SYNE1: variants seen among roughly 807,000 people sequenced by gnomAD.
The protein encoded by SYNE1 is spectrin repeat containing nuclear envelope protein 1.
SYNE1 carries 616 observed loss-of-function variants against 1,111.0 expected under a neutral mutation model. The observed-to-expected ratio is 0.55, with a 90% CI of 0.52 to 0.59. The LOEUF is 0.59. SYNE1 is among the 20% of genes least tolerant of loss of function. SYNE1 has a pLI of 0.00. For missense variants in SYNE1, 10,006 were observed against 10,417.0 expected (o/e 0.96, Z 1.72); for synonymous variants, 3,855 against 3,825.8 (o/e 1.01, Z -0.28).
rs2080181883 is a variant in SYNE1 at position 152,221,542 on chromosome 6, C to T, written c.21540G>A (p.Leu7180=). ...TCTGTAAGCTCCTTTCCTGTTTTTCCAGATCATCTTGGAGATTCTGCCCCA... is the reference window on the plus strand; with the variant it reads ...TCTGTAAGCTCCTTTCCTGTTTTTCTAGATCATCTTGGAGATTCTGCCCCA... ...VDNLQNLQDD[L]EKQERSLQKF... Residue 7180 remains leucine, a synonymous_variant, in exon 118 of 146, where the codon CTG becomes CTA. Transcript: ENST00000367255. The T allele has an allele frequency of 6.2e-7, 1 of 1,613,542 alleles. No individual in the cohort carries two copies. The highest frequency in any genetic ancestry group is 1.7e-5 in the Admixed American group (1 of 59,968).
intron 138 of SYNE1, among the ~76,000 whole-genome samples, chr6:152,142,956 CT>C (rs1257454091): frequency 1.3e-5 from 2 of 152,192 alleles, no homozygotes; most frequent in African/African-American, 2.4e-5. Context: ...AAGAGACTGG[CT>C]TTAAAATTCT....
chr6:152,122,103 T>TCATTAAAAAA lies in SYNE1; in HGVS notation c.*332_*333insTTTTTTAATG. ...TGGGAAAGCTGCCCAGATGGTCTAC[T>TCATTAAAAAA]GAAGTCCTTGGCTGTGCACAGAATG... On this transcript the variant is annotated 3_prime_UTR_variant, in exon 146 of 146. Coordinates refer to ENST00000367255, the MANE Select transcript of SYNE1 (RefSeq NM_182961.4). 2 of 382,976 alleles carry TCATTAAAAAA rather than the reference T, an allele frequency of 5.2e-6. No homozygotes were observed. Among genetic ancestry groups the TCATTAAAAAA allele is most frequent in the Admixed American group, 3.8e-5 (1 of 26,392 alleles). 23.7% of individuals were successfully genotyped at this position (382,976 alleles called of 1,614,324 possible).
intron 119 of SYNE1, among the ~76,000 whole-genome samples, chr6:152,219,991 T>A (rs1194319451): frequency 6.6e-6 from 1 of 152,216 alleles, no homozygotes; most frequent in African/African-American, 2.4e-5. Flanking sequence ...TCTTTACGCT[T>A]GACACAGATA....
chr6:152,286,597 G>A (rs1436801383), intron 95 of SYNE1, among the ~76,000 whole-genome samples: 1 of 152,184 alleles, frequency 6.6e-6, no homozygotes, highest in African/African-American at 2.4e-5. Context: ...ATGAGATTGA[G>A]TGTCTTTTGT....
At chr6:152,587,353 T>A (rs921082528) in intron 3 of SYNE1, among the ~76,000 whole-genome samples, 1 of 152,220 alleles carries the variant, frequency 6.6e-6, no homozygotes, top group Non-Finnish European at 1.5e-5. Flanking sequence ...TAGCTGCTGC[T>A]CCTTTGAATG....
intron 33 of SYNE1, chr6:152,435,101 T>A (rs2098461314): frequency 6.6e-6 from 1 of 152,156 alleles, no homozygotes; most frequent in Non-Finnish European, 1.5e-5. Context: ...AAAATATGTA[T>A]CAAATTTTAA....
chr6:152,469,825 T>G (rs952792559), intron 16 of SYNE1, among the ~76,000 whole-genome samples: 4 of 152,206 alleles, frequency 2.6e-5, no homozygotes, highest in African/African-American at 7.2e-5. Flanking sequence ...GGAACCTCAG[T>G]GCTCCTGCAC....
At chr6:152,624,764 G>A (rs1277096920) in intron 3 of SYNE1, among the ~76,000 whole-genome samples, 1 of 152,122 alleles carries the variant, frequency 6.6e-6, no homozygotes, top group East Asian at 1.9e-4. Context: ...CACAAATATT[G>A]GCAAAGGTGA....
chr6:152,266,894 C>CA (rs1305469250), intron 100 of SYNE1, among the ~76,000 whole-genome samples: 2 of 150,396 alleles, frequency 1.3e-5, no homozygotes, highest in Non-Finnish European at 1.5e-5. Flanking sequence ...GATTAAACTG[C>CA]AAAAAAAAAG....
At position 152,149,479 on chromosome 6, in the gene SYNE1, G is replaced by C. The variant is rs767648643; in HGVS notation, c.24640C>G (p.Pro8214Ala). ...CTAAGAAAATCAATGTTACATACAG[G>C]CAGGCGGATCAGTTTCTTATGGTAT... The part of the protein sequence containing the change: ...ERYHKKLIRL[P>A]LPDDEHDLSD... The change falls in exon 136 of 146, where the codon CCT (proline) becomes GCT (alanine). Residue 8214 changes from proline to alanine, a missense_variant and splice_region_variant. Physicochemically the swap from Pro to Ala is conservative, Grantham distance 27. Coordinates refer to ENST00000367255, the MANE Select transcript of SYNE1 (RefSeq NM_182961.4). 1 of 1,614,004 alleles carries C rather than the reference G, an allele frequency of 6.2e-7. No homozygotes were observed. The highest frequency in any genetic ancestry group is 1.3e-5 in the African/African-American group (1 of 74,904).
At chr6:152,312,926 T>C (rs1340732032) in intron 87 of SYNE1, among the ~76,000 whole-genome samples, 6 of 152,072 alleles carry the variant, frequency 3.9e-5, no homozygotes, top group Non-Finnish European at 5.9e-5. Context: ...CAAGAAATAA[T>C]GTGGGGCAAA....
At chr6:152,557,264 T>C (rs553447478) in intron 3 of SYNE1, among the ~76,000 whole-genome samples, 1 of 151,342 alleles carries the variant, frequency 6.6e-6, no homozygotes, top group South Asian at 2.1e-4. Flanking sequence ...AGTCAGAGGA[T>C]CAAGAATGGA....
intron 137 of SYNE1, chr6:152,145,840 C>T: frequency 5.2e-6 from 2 of 382,202 alleles, no homozygotes; most frequent in Non-Finnish European, 1.0e-5. Context: ...GCCTGGCCGA[C>T]ATGGTGGAAC....
chr6:152,418,977 C>A (rs1249404211), intron 40 of SYNE1, among the ~76,000 whole-genome samples: 2 of 152,134 alleles, frequency 1.3e-5, no homozygotes, highest in African/African-American at 4.8e-5. Flanking sequence ...AAACTTTAGT[C>A]ATCTGGTTAT....
At position 152,337,012 on chromosome 6, in the gene SYNE1, T is replaced by C. The variant is rs762228050; in HGVS notation, c.12357A>G (p.Glu4119=). ...AGTTCTGGGCCTGGACAAGCTTTTG[T>C]TCAATCTTGAGAAAACACAGAGATA... ...KDIQQTEQTI[E]QKLVQAQNLT... Residue 4119 remains glutamate, a synonymous_variant, in exon 76 of 146, where the codon GAA becomes GAG. Coordinates refer to ENST00000367255, the MANE Select transcript of SYNE1 (RefSeq NM_182961.4). 3 of 1,613,350 alleles carry C rather than the reference T, an allele frequency of 1.9e-6. No homozygotes were observed. The highest frequency in any genetic ancestry group is 1.7e-5 in the Admixed American group (1 of 59,988).
At position 152,438,710 on chromosome 6, in the gene SYNE1, C is replaced by T. The variant is rs780723424; in HGVS notation, c.4149+2420G>A. Reference sequence around the variant, plus strand: ...TGCTATGAACCCTCTATCACACACACCAGTACACAGAGGACACTCAAGTCC... The same window carrying T: ...TGCTATGAACCCTCTATCACACACATCAGTACACAGAGGACACTCAAGTCC... On this transcript the variant is annotated intron_variant, in intron 32 of 145. Coordinates refer to ENST00000367255, the MANE Select transcript of SYNE1 (RefSeq NM_182961.4). Among the ~76,000 whole-genome samples, 7 of 152,172 alleles carry T rather than the reference C, an allele frequency of 4.6e-5. No homozygotes were observed. In the East Asian group the frequency reaches 1.2e-3, roughly 25 times the overall value.
rs149108553 is a variant in SYNE1 at position 152,600,498 on chromosome 6, T to C, written c.67+27767A>G. Among the ~76,000 whole-genome samples, 8 of 152,360 alleles carry C rather than the reference T, an allele frequency of 5.3e-5. No homozygotes were observed. In the East Asian group the frequency reaches 1.5e-3, roughly 29 times the overall value. ...ACATAGAAACTTAAGTGCAGAATTT[T>C]AAGGCTGATTACGGATGAGTAGAAG... On this transcript the variant is annotated intron_variant, in intron 3 of 145. Transcript: ENST00000367255.
At chr6:152,316,643 A>G (rs1658884672) in intron 87 of SYNE1, 1 of 606,044 alleles carries the variant, frequency 1.7e-6, no homozygotes, top group South Asian at 2.0e-5. Flanking sequence ...GGGAAGATCA[A>G]GGATATTTAT....
Position 152,505,314 on chromosome 6 carries a change from G to T in SYNE1, c.665C>A (p.Pro222Gln). The stretch of plus-strand genomic sequence containing the variant: ...CACTGTCTCCAAGTCCACCAATTCC[G>T]GTCGAATGGCATGAATAACTGAATG... The part of the protein sequence containing the change: ...AFHSVIHAIR[P>Q]ELVDLETVKG... The change falls in exon 9 of 146, where the codon CCG becomes CAG. Residue 222 changes from proline to glutamine, a missense_variant. Physicochemically the swap from Pro to Gln is moderately conservative, Grantham distance 76 (BLOSUM62 -1). This residue lies in a region of SYNE1 where 1,971 missense variants were observed against 2,084.1 expected (regional missense o/e 0.95). Transcript: ENST00000367255. The T allele has an allele frequency of 6.2e-7, 1 of 1,613,938 alleles. No homozygotes were observed. Among genetic ancestry groups the T allele is most frequent in the Non-Finnish European group, 8.5e-7 (1 of 1,179,980 alleles).
Sources: gnomAD v4.1 joint callset for allele counts (sites outside exome capture counted in the v4.1 genomes callset) on GRCh38, gnomAD v4.1.1 for gene constraint, gnomAD v4.1.1 regional missense constraint, MANE v1.5 for transcripts, NCBI Gene and HGNC (gene_info 2026-07-23, HGNC 2026-07-21) for gene names.